ZNF480: variants seen among roughly 807,000 people sequenced by gnomAD.
ZNF480 encodes zinc finger protein 480.
In ZNF480, 15 loss-of-function variants were observed where a neutral mutation model predicts 14.4. The observed-to-expected ratio is 1.04, with a 90% CI of 0.70 to 1.60. The LOEUF (loss-of-function observed/expected upper bound fraction) is 1.60. ZNF480 is among the 40% of genes most tolerant of loss of function. The probability of loss-of-function intolerance (pLI) is 0.00; values close to 1 mark genes in which losing one functional copy is unlikely to be tolerated. For synonymous variants in ZNF480, 218 were observed against 215.5 expected (o/e 1.01, Z -0.10); for missense variants, 593 against 629.7 (o/e 0.94, Z 0.62).
chr19:52,325,312 T>C lies in ZNF480; in HGVS notation c.*2454T>C, dbSNP rs1227166277. On this transcript the variant is annotated 3_prime_UTR_variant, in exon 5 of 5. Transcript: ENST00000595962. ...GGCTGCAGAGAAAAGCAAATACTTA[T>C]ACACTGCTGGTGGGAATGTAAATTA... is the stretch of plus-strand genomic sequence containing the variant. 2 of 152,176 alleles carry C rather than the reference T, an allele frequency of 1.3e-5. No homozygotes were observed. Among genetic ancestry groups the C allele is most frequent in the Non-Finnish European group, 2.9e-5 (2 of 68,036 alleles). The allele number at this position is 152,176 out of a possible 1,614,324, so 9.4% of individuals were successfully genotyped here.
rs759040143 is a variant in ZNF480, at chr19:52,322,833, A to T, written c.1583A>T (p.Gln528Leu). 5.0e-6 allele frequency: 8 copies of T among 1,593,024 alleles called. No individual in the cohort carries two copies. In the East Asian group the frequency reaches 1.8e-4, roughly 36 times the overall value. ...KAFSRISYLA[Q>L]HWTIHMG ...TTTAGTCGCATTTCATACCTAGCACAACATTGGACAATTCATATGGGATAG... is the reference window on the plus strand; with the variant it reads ...TTTAGTCGCATTTCATACCTAGCACTACATTGGACAATTCATATGGGATAG... The change falls in exon 5 of 5, where the codon CAA becomes CTA. Residue 528 changes from glutamine (Q) to leucine (L), a missense_variant. Physicochemically the swap from Gln to Leu is moderately radical, Grantham distance 113. Transcript: ENST00000595962.
chr19:52,322,881 G>T lies in ZNF480; in HGVS notation c.*23G>T. 2.0e-6 allele frequency: 3 copies of T among 1,534,172 alleles called. No individual in the cohort carries two copies. In the South Asian group the frequency reaches 3.9e-5, roughly 20 times the overall value. ...TAGAAACTACAAATGCAACAAATGC[G>T]TCAAAGAATTTAGTGTGCACTCAAG... On this transcript the variant is annotated 3_prime_UTR_variant, in exon 5 of 5. Coordinates refer to ENST00000595962, the MANE Select transcript of ZNF480 (RefSeq NM_144684.4).
In ZNF480 at chr19:52,314,185, A is replaced by T. The variant is rs1328959037; in HGVS notation, c.105A>T (p.Glu35Asp). 4 of 1,581,076 alleles carry T rather than the reference A, an allele frequency of 2.5e-6. No individual in the cohort carries two copies. Among genetic ancestry groups the T allele is most frequent in the Non-Finnish European group, 3.5e-6 (4 of 1,158,974 alleles). Reference protein sequence around the residue: ...GHLTFRDVAIEFSQAEWKCLD... With the variant: ...GHLTFRDVAIDFSQAEWKCLD... ...TAACATTCAGGGACGTGGCCATAGAATTCTCTCAGGCGGAGTGGAAATGCC... is the reference window on the plus strand; with the variant it reads ...TAACATTCAGGGACGTGGCCATAGATTTCTCTCAGGCGGAGTGGAAATGCC... Residue 35 changes from glutamate (E) to aspartate (D), a missense_variant, in exon 3 of 5, where the codon GAA becomes GAT. Physicochemically the swap from Glu to Asp is conservative, Grantham distance 45. Transcript: ENST00000595962.
rs1983872760 is a variant in ZNF480, at chr19:52,322,358, C to T, written c.1108C>T (p.Pro370Ser). Residue 370 changes from proline (P) to serine (S), a missense_variant, in exon 5 of 5, where the codon CCT (proline) becomes TCT (serine). Pro to Ser is a moderately conservative substitution (Grantham distance 74). Coordinates refer to ENST00000595962, the MANE Select transcript of ZNF480 (RefSeq NM_144684.4). ...TCAGAAAATTCATACTGGAGAGAAACCTTACAAATGTAATGAATGTGGAAA... is the reference window on the plus strand; with the variant it reads ...TCAGAAAATTCATACTGGAGAGAAATCTTACAAATGTAATGAATGTGGAAA... ...RHQKIHTGEK[P>S]YKCNECGKVF... 6.2e-7 allele frequency: 1 copy of T among 1,613,760 alleles called. No individual in the cohort carries two copies. Among genetic ancestry groups the T allele is most frequent in the Non-Finnish European group, 8.5e-7 (1 of 1,179,966 alleles).
At chr19:52,315,071 G>T (rs957658347) in intron 3 of ZNF480, among the ~76,000 whole-genome samples, 19 of 151,744 alleles carry the variant, frequency 1.3e-4, no homozygotes, top group African/African-American at 4.6e-4. Flanking sequence ...TAAGCAATTC[G>T]CCTTAGCCTC....
rs1983922318 is a variant in ZNF480, at chr19:52,323,036, T to C, written c.*178T>C. 1 of 491,482 alleles carries C rather than the reference T, an allele frequency of 2.0e-6. No individual in the cohort carries two copies. The highest frequency in any genetic ancestry group is 3.4e-6 in the Non-Finnish European group (1 of 295,806). The allele number at this position is 491,482 out of a possible 1,614,324, so 30.4% of individuals were successfully genotyped here. ...TTATACTGGAGAGACTTCACAATTA[T>C]AATAAATGTGTGGAAAAGTCTTCAA... On this transcript the variant is annotated 3_prime_UTR_variant, in exon 5 of 5. Coordinates refer to ENST00000595962, the MANE Select transcript of ZNF480 (RefSeq NM_144684.4).
intron 4 of ZNF480, among the ~76,000 whole-genome samples, chr19:52,319,517 C>G (rs1018970899): frequency 2.6e-5 from 4 of 152,120 alleles, no homozygotes; most frequent in African/African-American, 9.7e-5. Context: ...CTTCCTCTGT[C>G]TTTGATGTTT....
At chr19:52,297,524 C>T (rs3810123) in intron 1 of ZNF480, among the ~76,000 whole-genome samples, 2,686 of 152,240 alleles carry the variant, frequency 0.018, 35 homozygotes, top group East Asian at 0.048. Flanking sequence ...AAAGTCCTCC[C>T]CCGCTAGGCG....
At chr19:52,311,681 C>G (rs1469016491) in intron 2 of ZNF480, among the ~76,000 whole-genome samples, 1 of 151,980 alleles carries the variant, frequency 6.6e-6, no homozygotes, top group Non-Finnish European at 1.5e-5. Context: ...TGGTACAAAC[C>G]TTTAGTTCCA....
At chr19:52,311,609 C>CA (rs1292636409) in intron 2 of ZNF480, among the ~76,000 whole-genome samples, 1 of 152,096 alleles carries the variant, frequency 6.6e-6, no homozygotes, top group Non-Finnish European at 1.5e-5. Flanking sequence ...ACAATTTATA[C>CA]ATTTTTGTTG....
intron 2 of ZNF480, among the ~76,000 whole-genome samples, chr19:52,302,324 C>T (rs571894591): frequency 2.3e-4 from 35 of 152,318 alleles, no homozygotes; most frequent in African/African-American, 5.8e-4. Context: ...ATGCTAGATT[C>T]AGTTGCATAA....
rs368722003 is a variant in ZNF480, at chr19:52,322,437, A to G, written c.1187A>G (p.Glu396Gly). Residue 396 changes from glutamate to glycine, a missense_variant, in exon 5 of 5, where the codon GAG (glutamate) becomes GGG (glycine). Transcript: ENST00000595962. ...CAACATTGGAGAATTCATACAGGAG[A>G]GAAACCTTACAAATGTAATGAATGT... ...LAQHWRIHTG[E>G]KPYKCNECGK... The G allele has an allele frequency of 7.8e-5, 126 of 1,614,002 alleles. No homozygotes were observed. The highest frequency in any genetic ancestry group is 9.7e-5 in the Non-Finnish European group (115 of 1,180,022).
At chr19:52,307,216 C>T (rs1434350313) in intron 2 of ZNF480, among the ~76,000 whole-genome samples, 6 of 152,234 alleles carry the variant, frequency 3.9e-5, no homozygotes, top group Non-Finnish European at 8.8e-5. Context: ...TTTCTCAGTC[C>T]GGATACCAGG....
intron 2 of ZNF480, among the ~76,000 whole-genome samples, chr19:52,302,421 C>T (rs954620997): frequency 1.3e-5 from 2 of 152,122 alleles, no homozygotes; most frequent in African/African-American, 4.8e-5. Context: ...AATGGCTTGT[C>T]CTTGTGAATT....
intron 2 of ZNF480, among the ~76,000 whole-genome samples, chr19:52,305,145 C>T (rs539237305): frequency 6.6e-6 from 1 of 152,164 alleles, no homozygotes; most frequent in Admixed American, 6.5e-5. Context: ...GTTGAATAGT[C>T]CCAGATTGTT....
At position 52,322,128 on chromosome 19, in the gene ZNF480, G is replaced by A. The variant is rs765625077; in HGVS notation, c.878G>A (p.Gly293Asp). ...REKPYECNEC[G>D]KVFSNNSYLA... is the part of the protein sequence containing the mutation. ...AAGCCGTATGAATGTAATGAATGTG[G>A]TAAAGTCTTCAGTAATAATTCTTAC... Residue 293 changes from glycine to aspartate, a missense_variant, in exon 5 of 5, where the codon GGT (glycine) becomes GAT (aspartate). Physicochemically the swap from Gly to Asp is moderately conservative, Grantham distance 94. Transcript: ENST00000595962. 5 of 1,613,842 alleles carry A rather than the reference G, an allele frequency of 3.1e-6. No homozygotes were observed. The African/African-American group carries it at 4.0e-5, about 13-fold the overall frequency.
intron 2 of ZNF480, chr19:52,302,145 G>T: frequency 4.5e-6 from 1 of 219,786 alleles, no homozygotes. Context: ...AGATACACAA[G>T]CATAACTTCT....
intron 2 of ZNF480, among the ~76,000 whole-genome samples, chr19:52,309,315 T>A (rs1019375235): frequency 1.3e-5 from 2 of 152,162 alleles, no homozygotes; most frequent in Admixed American, 6.6e-5. Context: ...GGGCTTTGCT[T>A]GTTACCTCCT....
At position 52,322,670 on chromosome 19, in the gene ZNF480, C is replaced by T; in HGVS notation, c.1420C>T (p.Gln474Ter). 2 of 1,613,674 alleles carry T rather than the reference C, an allele frequency of 1.2e-6. No individual in the cohort carries two copies. The highest frequency in any genetic ancestry group is 1.7e-6 in the Non-Finnish European group (2 of 1,179,788). ...FRHKLSLTNH[Q>*]RIHTGERPYK... ...ACACAAGTTATCACTAACCAATCAT[C>T]AGAGAATCCATACTGGAGAAAGACC... Residue 474 changes from glutamine to a stop codon, truncating the protein, a stop_gained, in exon 5 of 5, where the codon CAG becomes TAG. Coordinates refer to ENST00000595962, the MANE Select transcript of ZNF480 (RefSeq NM_144684.4). LOFTEE classifies it low-confidence loss of function (END_TRUNC).
Sources: allele counts gnomAD v4.1 joint callset (sites outside exome capture counted in the v4.1 genomes callset), GRCh38; gene constraint gnomAD v4.1.1; transcripts MANE v1.5; gene names NCBI Gene and HGNC (gene_info 2026-07-23, HGNC 2026-07-21).